MYO10: variants seen among roughly 807,000 people sequenced by gnomAD.
The protein encoded by MYO10 is unconventional myosin-X.
A neutral mutation model predicts 257.3 loss-of-function variants in MYO10; 133 were observed. That is an observed-to-expected ratio of 0.52 (90% CI 0.45 to 0.60). The LOEUF (loss-of-function observed/expected upper bound fraction) is 0.60. Ranked by LOEUF, MYO10 falls within the 20% of genes least tolerant of loss-of-function variation. The pLI, the probability that MYO10 is intolerant of heterozygous loss-of-function variation, is 0.00. For missense variants in MYO10, 2,399 were observed against 2,635.7 expected, an observed-to-expected ratio of 0.91 and a Z score of 1.97; for synonymous variants, 1,104 against 1,028.6, an observed-to-expected ratio of 1.07 and a Z score of -1.40.
At chr5:16,708,504 T>A (rs1427159996) in intron 21 of MYO10, among the ~76,000 whole-genome samples, 1 of 152,198 alleles carries the variant, frequency 6.6e-6, no homozygotes, top group Admixed American at 6.5e-5. Flanking sequence ...TGAGTTTTAA[T>A]GATCTCTAAT....
intron 4 of MYO10, among the ~76,000 whole-genome samples, chr5:16,789,977 T>C (rs1741705316): frequency 6.6e-6 from 1 of 152,040 alleles, no homozygotes; most frequent in Non-Finnish European, 1.5e-5. Context: ...TGAATTTCAG[T>C]TCCTTTTTCT....
chr5:16,877,407 G>A (rs1468548601), intron 2 of MYO10, among the ~76,000 whole-genome samples: 2 of 152,210 alleles, frequency 1.3e-5, no homozygotes, highest in African/African-American at 2.4e-5. Context: ...AATATTTGCT[G>A]TGTTCCATTT....
intron 28 of MYO10, among the ~76,000 whole-genome samples, chr5:16,687,786 C>G (rs1009590791): frequency 6.6e-6 from 1 of 152,034 alleles, no homozygotes; most frequent in Non-Finnish European, 1.5e-5. Flanking sequence ...TCTGGTTAAC[C>G]AAACAGCAAG....
chr5:16,768,731 G>C (rs1740956241), intron 10 of MYO10, among the ~76,000 whole-genome samples: 1 of 127,010 alleles, frequency 7.9e-6, no homozygotes, highest in African/African-American at 3.0e-5. Context: ...CTGGAGTGCA[G>C]TGGCATCATC....
chr5:16,763,460 C>T (rs368941029), intron 14 of MYO10, 21 bp downstream of exon 14: 435 of 1,593,306 alleles, frequency 2.7e-4, no homozygotes, highest in Non-Finnish European at 3.5e-4. Flanking sequence ...GGACTGTAAC[C>T]ATTCTTCAAA....
intron 1 of MYO10, among the ~76,000 whole-genome samples, chr5:16,931,193 C>G (rs999531056): frequency 6.6e-6 from 1 of 152,092 alleles, no homozygotes; most frequent in African/African-American, 2.4e-5. Flanking sequence ...ATCGCTTGAA[C>G]CCGGGAGGCG....
At chr5:16,668,610 C>G (rs1339848776) in intron 39 of MYO10, 142 bp from the exon 40 acceptor site, 1 of 586,692 alleles carries the variant, frequency 1.7e-6, no homozygotes, top group East Asian at 3.1e-5. Context: ...ATGGAGGGGC[C>G]TGAAATATGA....
intron 19 of MYO10, among the ~76,000 whole-genome samples, chr5:16,742,511 G>T (rs1351903043): frequency 6.6e-6 from 1 of 152,130 alleles, no homozygotes; most frequent in African/African-American, 2.4e-5. Context: ...AACAACAGGG[G>T]ACATGAGTGG....
chr5:16,713,262 C>T, intron 19 of MYO10: 2 of 954,360 alleles, frequency 2.1e-6, no homozygotes, highest in Non-Finnish European at 1.2e-6. Context: ...GTCCGAAGCT[C>T]GAGTTATTAA....
At chr5:16,695,013 A>G (rs1372961304) in intron 26 of MYO10, among the ~76,000 whole-genome samples, 1 of 152,188 alleles carries the variant, frequency 6.6e-6, no homozygotes, top group African/African-American at 2.4e-5. Context: ...TTATTTTAAC[A>G]TGGTGTCAAA....
At chr5:16,705,851 C>G (rs1270726212) in intron 21 of MYO10, among the ~76,000 whole-genome samples, 1 of 152,260 alleles carries the variant, frequency 6.6e-6, no homozygotes, top group Middle Eastern at 3.4e-3. Flanking sequence ...ACAATCCTCT[C>G]CTTATAATAC....
chr5:16,759,737 A>T (rs997692576), intron 17 of MYO10, among the ~76,000 whole-genome samples: 13 of 152,230 alleles, frequency 8.5e-5, no homozygotes, highest in African/African-American at 3.1e-4. Context: ...AACGTATCGC[A>T]TTAAACTAAG....
chr5:16,730,469 A>C (rs1739537039), intron 19 of MYO10, among the ~76,000 whole-genome samples: 6 of 152,168 alleles, frequency 3.9e-5, no homozygotes, highest in Admixed American at 3.9e-4. Flanking sequence ...TCAGTGGATT[A>C]AGGTGCATGG....
intron 30 of MYO10, among the ~76,000 whole-genome samples, chr5:16,682,644 C>T (rs1047825093): frequency 9.9e-5 from 15 of 152,154 alleles, no homozygotes; most frequent in Non-Finnish European, 2.9e-5. Context: ...CTCTATCTAA[C>T]GGCTTAAGCT....
intron 4 of MYO10, among the ~76,000 whole-genome samples, chr5:16,794,154 C>A (rs983279600): frequency 6.6e-6 from 1 of 151,914 alleles, no homozygotes; most frequent in Admixed American, 6.6e-5. Context: ...TTTAAGAGCA[C>A]CCTATTATTA....
chr5:16,669,716 A>G (rs1439100448), intron 39 of MYO10, among the ~76,000 whole-genome samples: 2 of 152,202 alleles, frequency 1.3e-5, no homozygotes, highest in African/African-American at 4.8e-5. Context: ...TCTAGAATTT[A>G]TAATATTTAG....
At chr5:16,730,156 C>A (rs926151081) in intron 19 of MYO10, among the ~76,000 whole-genome samples, 1 of 152,198 alleles carries the variant, frequency 6.6e-6, no homozygotes, top group African/African-American at 2.4e-5. Context: ...GTAGCTATGG[C>A]AACCATTTTG....
chr5:16,711,141 G>C lies in MYO10; in HGVS notation c.2034C>G (p.Pro678=). The change falls in exon 20 of 41, where the codon CCC becomes CCG. Residue 678 remains proline, a synonymous_variant. Transcript: ENST00000513610. The part of the protein sequence containing the change: ...IRKAGYAVRR[P]FQDFYKRYKV... ...CTTGCCTTTTGTAAAAGTCCTGAAA[G>C]GGTCTTCGGACCGCATACCCAGCTT... The C allele has an allele frequency of 2.5e-6, 4 of 1,613,912 alleles. No individual in the cohort carries two copies. The highest frequency in any genetic ancestry group is 3.4e-6 in the Non-Finnish European group (4 of 1,179,860).
chr5:16,869,191 A>ATTTTTTTTTTTTTTTT (rs70943814), intron 2 of MYO10, among the ~76,000 whole-genome samples: 1 of 115,882 alleles, frequency 8.6e-6, no homozygotes, highest in African/African-American at 3.4e-5. Context: ...CACCCGGCTA[A>ATTTTTTTTTTTTTTTT]TTTTTTTTTT....
Sources: gnomAD v4.1 joint callset for allele counts (sites outside exome capture counted in the v4.1 genomes callset) on GRCh38, gnomAD v4.1.1 for gene constraint, MANE v1.5 for transcripts, NCBI Gene and HGNC (gene_info 2026-07-23, HGNC 2026-07-21) for gene names.